The following CIZ1 variants were observed in gnomAD, a reference collection of about 807,000 sequenced individuals.
CIZ1 encodes cip1-interacting zinc finger protein.
In CIZ1, 58 loss-of-function variants were observed where a neutral mutation model predicts 118.6. The observed-to-expected ratio is 0.49, with a 90% confidence interval of 0.40 to 0.61. CIZ1 has a LOEUF of 0.61. CIZ1 is among the 20% of genes least tolerant of loss of function. The probability of loss-of-function intolerance (pLI) is 0.00; values close to 1 mark genes in which losing one functional copy is unlikely to be tolerated. For missense variants in CIZ1, 921 were observed against 1,115.9 expected (o/e 0.83, Z 2.49); for synonymous variants, 448 against 443.4 (o/e 1.01, Z -0.13).
Position 128,179,412 on chromosome 9 carries a change from T to G in CIZ1, c.795A>C (p.Ser265=), listed in dbSNP as rs184547222. The part of the protein sequence containing the change: ...SELPAKRLRS[S]EEPTEKEPPG... ...GAGGTTCCTTCTCTGTGGGCTCTTC[T>G]GAGCTAGGAAGGATCAAAAAAAAAT... is the stretch of plus-strand genomic sequence containing the variant. The change falls in exon 8 of 17, where the codon TCA becomes TCC. Residue 265 remains serine, a synonymous_variant. Transcript: ENST00000372938. 400 of 1,582,308 alleles carry G rather than the reference T, an allele frequency of 2.5e-4. 1 individual carries two copies. In the East Asian group the frequency reaches 8.8e-3, roughly 35 times the overall value.
chr9:128,179,515 G>T, intron 7 of CIZ1, 100 bp from the exon 8 acceptor site: 1 of 1,078,360 alleles, frequency 9.3e-7, no homozygotes, highest in Non-Finnish European at 1.3e-6. Context: ...GCTCGCATCT[G>T]TAAACCCAGC....
chr9:128,172,635 A>G (rs1402380205), intron 11 of CIZ1, among the ~76,000 whole-genome samples: 3 of 152,224 alleles, frequency 2.0e-5, no homozygotes, highest in Non-Finnish European at 4.4e-5. Flanking sequence ...AGGGCTGCTT[A>G]GAGACAGAAA....
chr9:128,194,826 C>CA (rs941290448), upstream of CIZ1, among the ~76,000 whole-genome samples: 4 of 149,764 alleles, frequency 2.7e-5, no homozygotes, highest in Admixed American at 6.6e-5. Context: ...CAAAACAAAA[C>CA]AAAAAAAAAG....
intron 1 of CIZ1, among the ~76,000 whole-genome samples, chr9:128,199,016 T>G (rs45600932): frequency 6.6e-6 from 1 of 151,998 alleles, no homozygotes. Flanking sequence ...ACCTCAGACA[T>G]GTTCTTTACT....
intron 11 of CIZ1, among the ~76,000 whole-genome samples, chr9:128,176,031 C>T (rs1830804028): frequency 6.6e-6 from 1 of 152,224 alleles, no homozygotes; most frequent in South Asian, 2.1e-4. Context: ...GCCTTGTCAC[C>T]CCACAGCGGG....
At chr9:128,175,927 G>A (rs1830787258) in intron 11 of CIZ1, among the ~76,000 whole-genome samples, 1 of 152,124 alleles carries the variant, frequency 6.6e-6, no homozygotes, top group African/African-American at 2.4e-5. Context: ...ACCCCAGGAG[G>A]GCTGAAGTTT....
intron 10 of CIZ1, 31 bp downstream of exon 10, chr9:128,177,535 C>A: frequency 1.8e-6 from 2 of 1,096,008 alleles, no homozygotes; most frequent in African/African-American, 1.5e-5. Flanking sequence ...CAGGCCCCAC[C>A]CCTCCCCACC....
At chr9:128,188,380 GT>G (rs1832707417) in intron 3 of CIZ1, among the ~76,000 whole-genome samples, 1 of 152,204 alleles carries the variant, frequency 6.6e-6, no homozygotes, top group South Asian at 2.1e-4. Context: ...ATGCTGACTG[GT>G]GGTTTTCTTC....
chr9:128,185,239 T>C (rs972355974), intron 5 of CIZ1, among the ~76,000 whole-genome samples: 4 of 152,094 alleles, frequency 2.6e-5, no homozygotes, highest in African/African-American at 9.7e-5. Context: ...GATCGCGCCA[T>C]TGTACTTCAG....
chr9:128,199,706 C>A (rs1332290676), intron 1 of CIZ1, among the ~76,000 whole-genome samples: 1 of 151,212 alleles, frequency 6.6e-6, no homozygotes, highest in Non-Finnish European at 1.5e-5. Flanking sequence ...TTTATCTTAT[C>A]TCTAAAAACA....
chr9:128,190,983 T>G lies in CIZ1; in HGVS notation c.-5-121A>C, dbSNP rs570654100. Reference sequence around the variant, plus strand: ...AGAGACTGCTGAGGAGCTTCACAGCTGCATTCCCAGTCCTGCCAAGAGCCT... The same window carrying G: ...AGAGACTGCTGAGGAGCTTCACAGCGGCATTCCCAGTCCTGCCAAGAGCCT... On this transcript the variant is annotated intron_variant, in intron 1 of 16. Transcript: ENST00000372938. The G allele has an allele frequency of 1.9e-5, 26 of 1,349,000 alleles. No homozygotes were observed. The South Asian group carries it at 2.8e-4, about 15-fold the overall frequency. The allele number at this position is 1,349,000 out of a possible 1,614,324, so 83.6% of individuals were successfully genotyped here.
upstream of CIZ1, chr9:128,191,624 G>A: frequency 1.6e-6 from 2 of 1,220,394 alleles, no homozygotes; most frequent in Non-Finnish European, 2.0e-6. This position sits in a 1 kb window ranked among gnomAD's most constrained non-coding sequence, Gnocchi z 5.5. Context: ...GGGACGGGAG[G>A]TCCAGGCGCC....
At chr9:128,194,303 A>G (rs1038348427), upstream of CIZ1, among the ~76,000 whole-genome samples, 1 of 145,772 alleles carries the variant, frequency 6.9e-6, no homozygotes, top group Non-Finnish European at 1.5e-5. Flanking sequence ...CGGAGGTTGC[A>G]GTGAGCCAAG....
chr9:128,166,718 G>C lies in CIZ1; in HGVS notation c.2487+41C>G. 2 of 1,613,868 alleles carry C rather than the reference G, an allele frequency of 1.2e-6. No homozygotes were observed. Among genetic ancestry groups the C allele is most frequent in the Admixed American group, 3.3e-5 (2 of 60,024 alleles). On this transcript the variant is annotated intron_variant, in intron 16 of 16. Coordinates refer to ENST00000372938, the MANE Select transcript of CIZ1 (RefSeq NM_001131016.2). The surrounding 1 kb of genome is among the most constrained non-coding windows in gnomAD (Gnocchi z 4.4). The stretch of plus-strand genomic sequence containing the variant: ...CCGAATCAGCTTGGATTAAGACTAA[G>C]TCTGTGGCCAGGGGAGGACAGGGCA...
chr9:128,184,459 C>A (rs1415896536), intron 5 of CIZ1, among the ~76,000 whole-genome samples: 1 of 145,648 alleles, frequency 6.9e-6, no homozygotes, highest in Admixed American at 6.9e-5. Context: ...ACATATATGG[C>A]TTGTATTTTA....
At chr9:128,195,644 TTATC>T (rs760572136), upstream of CIZ1, among the ~76,000 whole-genome samples, 1 of 151,984 alleles carries the variant, frequency 6.6e-6, no homozygotes, top group South Asian at 2.1e-4. Flanking sequence ...CTCCAGGACT[TTATC>T]TATCTATCCC....
At chr9:128,169,346 A>G (rs768452784) in intron 13 of CIZ1, 60 bp downstream of exon 13, 372 of 1,513,668 alleles carry the variant, frequency 2.5e-4, no homozygotes, top group Non-Finnish European at 3.1e-4. Flanking sequence ...CTTGCTACAC[A>G]GCCTTGGCCA....
At position 128,171,198 on chromosome 9, in the gene CIZ1, G is replaced by A. The variant is rs371920621; in HGVS notation, c.1944-1091C>T. Among the ~76,000 whole-genome samples the A allele has an allele frequency of 1.3e-4, 20 of 151,458 alleles. No individual in the cohort carries two copies. The East Asian group carries it at 3.7e-3, about 28-fold the overall frequency. ...TATAATCCCAGCACTTTGGGAGGCT[G>A]AGGCAGGAGGATCGCTTGAGCCTAG... On this transcript the variant is annotated intron_variant, in intron 11 of 16. Transcript: ENST00000372938.
At chr9:128,198,447 C>T (rs1833430072) in intron 1 of CIZ1, 1 of 152,212 alleles carries the variant, frequency 6.6e-6, no homozygotes, top group East Asian at 1.9e-4. Context: ...AATGACTTGA[C>T]CCCGGAGCTG....
Sources: gnomAD v4.1 joint callset for allele counts (sites outside exome capture counted in the v4.1 genomes callset) on GRCh38, gnomAD v4.1.1 for gene constraint, Gnocchi (gnomAD v3.1) non-coding constraint, MANE v1.5 for transcripts, NCBI Gene and HGNC (gene_info 2026-07-23, HGNC 2026-07-21) for gene names.